ZGRF1: variants seen among roughly 807,000 people sequenced by gnomAD.
ZGRF1 encodes zinc finger GRF-type containing 1, also known as 5'-3' DNA helicase ZGRF1.
A neutral mutation model predicts 203.5 loss-of-function variants in ZGRF1; 196 were observed. The observed-to-expected ratio is 0.96, with a 90% CI of 0.86 to 1.08. The LOEUF (loss-of-function observed/expected upper bound fraction) is 1.08. Among genes scored for constraint, ZGRF1 ranks in the 50% least tolerant of loss-of-function variants. ZGRF1 has a pLI of 0.00. For missense variants in ZGRF1, 2,326 were observed against 2,416.3 expected (o/e 0.96, Z 0.78); for synonymous variants, 809 against 841.3 (o/e 0.96, Z 0.66).
Position 112,609,418 on chromosome 4 carries a change from T to C in ZGRF1, c.2679A>G (p.Glu893=). 6.4e-7 allele frequency: 1 copy of C among 1,554,436 alleles called. No homozygotes were observed. The highest frequency in any genetic ancestry group is 8.8e-7 in the Non-Finnish European group (1 of 1,133,496). Residue 893 remains glutamate, a synonymous_variant, in exon 8 of 28, where the codon GAA becomes GAG. Transcript: ENST00000505019. ...LHKDSQQILK[E]DEVELSEPLQ... ...GTGGTTCACTTAGTTCAACTTCATC[T>C]TCTTTTAGTATCTTAGGAATAGAAT...
intron 2 of ZGRF1, among the ~76,000 whole-genome samples, 159 bp from the exon 3 acceptor site, chr4:112,632,169 C>T (rs115274227): frequency 6.6e-6 from 1 of 150,666 alleles, no homozygotes; most frequent in South Asian, 2.1e-4. Flanking sequence ...AAAACAAAAG[C>T]ACAGATAGCA....
intron 1 of ZGRF1, among the ~76,000 whole-genome samples, chr4:112,635,706 A>G (rs1463982648): frequency 6.6e-6 from 1 of 151,052 alleles, no homozygotes; most frequent in Non-Finnish European, 1.5e-5. Flanking sequence ...CATACTATGT[A>G]TCAGGCAGGA....
chr4:112,573,333 A>G (rs921174782), intron 16 of ZGRF1, among the ~76,000 whole-genome samples: 4 of 152,154 alleles, frequency 2.6e-5, no homozygotes, highest in Admixed American at 6.6e-5. Flanking sequence ...GTTCTTACTC[A>G]TAAGTGGGAG....
At chr4:112,611,401 T>A (rs1489015319) in intron 7 of ZGRF1, among the ~76,000 whole-genome samples, 1 of 151,200 alleles carries the variant, frequency 6.6e-6, no homozygotes, top group Non-Finnish European at 1.5e-5. Flanking sequence ...AGACTCCATC[T>A]CAAAATAAAT....
intron 16 of ZGRF1, among the ~76,000 whole-genome samples, chr4:112,575,374 G>C (rs1278050834): frequency 6.6e-6 from 1 of 152,148 alleles, no homozygotes; most frequent in African/African-American, 2.4e-5. Context: ...GGTGATTTCT[G>C]CATTTCCAAC....
At chr4:112,591,836 T>C (rs1748214195) in intron 10 of ZGRF1, among the ~76,000 whole-genome samples, 1 of 152,234 alleles carries the variant, frequency 6.6e-6, no homozygotes, top group African/African-American at 2.4e-5. Flanking sequence ...TACATACCAG[T>C]GTCATTCTTC....
At chr4:112,576,513 G>T (rs1453151814) in intron 16 of ZGRF1, among the ~76,000 whole-genome samples, 1 of 152,060 alleles carries the variant, frequency 6.6e-6, no homozygotes, top group African/African-American at 2.4e-5. Flanking sequence ...CCATGGCAAA[G>T]AAGTTAAAAA....
At chr4:112,594,684 C>A (rs1041659793) in intron 10 of ZGRF1, among the ~76,000 whole-genome samples, 4 of 151,648 alleles carry the variant, frequency 2.6e-5, no homozygotes, top group African/African-American at 7.3e-5. Flanking sequence ...AACTCCTGAC[C>A]TCAAATGATC....
intron 16 of ZGRF1, among the ~76,000 whole-genome samples, chr4:112,569,220 C>G (rs993990269): frequency 6.6e-6 from 1 of 152,090 alleles, no homozygotes; most frequent in African/African-American, 2.4e-5. Context: ...TCTATACTAA[C>G]CAAGTGTTTC....
rs906880837 is a variant in ZGRF1 at position 112,605,998 on chromosome 4, C to T, written c.2802+10G>A. The T allele has an allele frequency of 6.5e-7, 1 of 1,542,818 alleles. No individual in the cohort carries two copies. Among genetic ancestry groups the T allele is most frequent in the Non-Finnish European group, 8.9e-7 (1 of 1,128,374 alleles). ...TGGTTAAATAAATCGATGTTCTTCA[C>T]AAATTTTACCTTAGGGTCACAGGTT... On this transcript the variant is annotated intron_variant, in intron 9 of 27. Transcript: ENST00000505019.
intron 1 of ZGRF1, among the ~76,000 whole-genome samples, chr4:112,634,841 A>G (rs950695510): frequency 6.6e-6 from 1 of 151,882 alleles, no homozygotes; most frequent in African/African-American, 2.4e-5. Flanking sequence ...TTTCAGAAAT[A>G]TAACTCCTGG....
Position 112,618,033 on chromosome 4 carries a change from C to T in ZGRF1, c.2009G>A (p.Arg670Lys), listed in dbSNP as rs1196774608. ...GGGTAAAGCAAAATCATAGTTAATT[C>T]TGACTTCTTGAATAGGTTTATTAGC... ...EDANKPIQEV[R>K]INYDFALPPN... The change falls in exon 6 of 28, where the codon AGA becomes AAA. Residue 670 changes from arginine (R) to lysine (K), a missense_variant. Coordinates refer to ENST00000505019, the MANE Select transcript of ZGRF1 (RefSeq NM_018392.5). The T allele has an allele frequency of 2.5e-6, 4 of 1,613,092 alleles. No homozygotes were observed. Among genetic ancestry groups the T allele is most frequent in the East Asian group, 4.5e-5 (2 of 44,846 alleles).
intron 11 of ZGRF1, among the ~76,000 whole-genome samples, chr4:112,589,272 G>A (rs1391437562): frequency 3.3e-5 from 5 of 152,104 alleles, no homozygotes; most frequent in Admixed American, 6.5e-5. Flanking sequence ...AAAACCTAGA[G>A]TCCTAGGAAT....
Position 112,589,891 on chromosome 4 carries a change from A to G in ZGRF1, c.2977-17T>C, listed in dbSNP as rs762948200. ...TGATGTCACCTATACAGAAAGAAGAATCAAAACTACAGACCAAAATCTTCT... is the reference window on the plus strand; with the variant it reads ...TGATGTCACCTATACAGAAAGAAGAGTCAAAACTACAGACCAAAATCTTCT... On this transcript the variant is annotated splice_polypyrimidine_tract_variant and intron_variant, in intron 10 of 27. Coordinates refer to ENST00000505019, the MANE Select transcript of ZGRF1 (RefSeq NM_018392.5). 1 of 1,534,166 alleles carries G rather than the reference A, an allele frequency of 6.5e-7. No individual in the cohort carries two copies. Among genetic ancestry groups the G allele is most frequent in the South Asian group, 1.3e-5 (1 of 75,782 alleles).
In ZGRF1 at chr4:112,583,978, C is replaced by T. The variant is rs1746712408; in HGVS notation, c.4298G>A (p.Arg1433Lys). The change falls in exon 15 of 28, where the codon AGA (arginine) becomes AAA (lysine). Residue 1433 changes from arginine to lysine, a missense_variant and splice_region_variant. Coordinates refer to ENST00000505019, the MANE Select transcript of ZGRF1 (RefSeq NM_018392.5). ...AATTATTTGGTACTATAAAACATAC[C>T]TCACCAAAAGCTGGCATTCCTCATA... ...PLYEECQLLV[R>K]KGFDFQRKQY... 6 of 1,589,814 alleles carry T rather than the reference C, an allele frequency of 3.8e-6. No individual in the cohort carries two copies. The highest frequency in any genetic ancestry group is 1.7e-4 in the Middle Eastern group (1 of 5,946).
chr4:112,586,318 A>C (rs2149018245), intron 13 of ZGRF1, 127 bp downstream of exon 13: 1 of 696,328 alleles, frequency 1.4e-6, no homozygotes. Flanking sequence ...GTTACTGTCA[A>C]AAACTAGAAC....
At chr4:112,620,998 C>T (rs537820161) in intron 4 of ZGRF1, among the ~76,000 whole-genome samples, 1 of 152,104 alleles carries the variant, frequency 6.6e-6, no homozygotes, top group African/African-American at 2.4e-5. Flanking sequence ...CACTGCCATA[C>T]TCCAACCTGG....
rs759660087 is a variant in ZGRF1 at position 112,620,180 on chromosome 4, C to A, written c.173G>T (p.Gly58Val). The A allele has an allele frequency of 6.3e-7, 1 of 1,596,398 alleles. No homozygotes were observed. The highest frequency in any genetic ancestry group is 2.2e-5 in the East Asian group (1 of 44,472). The stretch of plus-strand genomic sequence containing the variant: ...GTATCGATCACTTTCTAAGTCATCT[C>A]CAGGTTTCACCTGAAAGAATAAATG... ...LFLKCLEVKP[G>V]DDLESDRYLI... is the part of the protein sequence containing the mutation. The change falls in exon 5 of 28, where the codon GGA becomes GTA. Residue 58 changes from glycine to valine, a missense_variant. Transcript: ENST00000505019.
chr4:112,575,719 T>C (rs1042237821), intron 16 of ZGRF1, among the ~76,000 whole-genome samples: 1 of 152,184 alleles, frequency 6.6e-6, no homozygotes, highest in African/African-American at 2.4e-5. Flanking sequence ...AGGCAGGAGC[T>C]AGGCCAGGGG....
Sources: gnomAD v4.1 joint callset for allele counts (sites outside exome capture counted in the v4.1 genomes callset) on GRCh38, gnomAD v4.1.1 for gene constraint, MANE v1.5 for transcripts, NCBI Gene and HGNC (gene_info 2026-07-23, HGNC 2026-07-21) for gene names.